GFRA2: variants seen among roughly 807,000 people sequenced by gnomAD.
The protein encoded by GFRA2 is GDNF family receptor alpha-2.
Under a neutral mutation model 48.3 loss-of-function variants are expected in GFRA2, and 17 were observed. The observed-to-expected ratio is 0.35, with a 90% CI of 0.24 to 0.53. The LOEUF (loss-of-function observed/expected upper bound fraction) is 0.53, where lower values mean the gene tolerates loss of function less well. Ranked by LOEUF, GFRA2 falls within the 20% of genes least tolerant of loss-of-function variation. The pLI, the probability that GFRA2 is intolerant of heterozygous loss-of-function variation, is 0.93. For missense variants in GFRA2, 660 were observed against 637.3 expected (o/e 1.04, Z -0.38); for synonymous variants, 305 against 257.2 (o/e 1.19, Z -1.78).
chr8:21,745,979 G>A (rs1804984286), intron 4 of GFRA2, among the ~76,000 whole-genome samples: 1 of 152,226 alleles, frequency 6.6e-6, no homozygotes, highest in Non-Finnish European at 1.5e-5. Flanking sequence ...AGCAGAGGGA[G>A]AAAGCAGACA....
chr8:21,792,959 C>T (rs1333946596), upstream of GFRA2, among the ~76,000 whole-genome samples: 12 of 152,104 alleles, frequency 7.9e-5, no homozygotes, highest in Admixed American at 1.3e-4. Context: ...CCCAGCTACT[C>T]GAGTGCCTGA....
chr8:21,794,544 C>T (rs1807635271), intron 2 of GFRA2, among the ~76,000 whole-genome samples: 1 of 152,232 alleles, frequency 6.6e-6, no homozygotes, highest in East Asian at 1.9e-4. Flanking sequence ...AGCCACCACA[C>T]CCAGCTGACC....
chr8:21,764,718 A>G (rs1013862279), intron 3 of GFRA2, among the ~76,000 whole-genome samples: 33 of 152,156 alleles, frequency 2.2e-4, no homozygotes, highest in African/African-American at 8.0e-4. Flanking sequence ...TCCTGCTTAC[A>G]TCCTTCAATT....
intron 4 of GFRA2, among the ~76,000 whole-genome samples, chr8:21,712,028 A>C (rs1052196470): frequency 1.6e-4 from 25 of 152,284 alleles, no homozygotes; most frequent in Admixed American, 6.5e-5. Flanking sequence ...GATCCCAAGG[A>C]AGAAGAATTT....
intron 4 of GFRA2, among the ~76,000 whole-genome samples, chr8:21,723,511 A>G (rs928128282): frequency 4.6e-5 from 7 of 152,214 alleles, no homozygotes; most frequent in African/African-American, 1.7e-4. Context: ...AGCTTTACAA[A>G]AAATAAAAGA....
chr8:21,690,628 T>C lies in GFRA2; in HGVS notation c.*2650A>G, dbSNP rs940000527. The C allele has an allele frequency of 1.3e-5, 2 of 152,206 alleles. No individual in the cohort carries two copies. Among genetic ancestry groups the C allele is most frequent in the African/African-American group, 4.8e-5 (2 of 41,448 alleles). 9.4% of individuals were successfully genotyped at this position (152,206 alleles called of 1,614,324 possible). ...GGGAAATTTTCTCTCCCCCATGATG[T>C]AGCCTAAGGGCTTACCTCCTATTAG... On this transcript the variant is annotated 3_prime_UTR_variant, in exon 9 of 9. Transcript: ENST00000524240.
At chr8:21,719,149 A>T (rs981031202) in intron 4 of GFRA2, among the ~76,000 whole-genome samples, 1 of 152,036 alleles carries the variant, frequency 6.6e-6, no homozygotes, top group Non-Finnish European at 1.5e-5. Context: ...ACCAGAAGCA[A>T]TCAATCAGAC....
chr8:21,804,886 A>C (rs1220462506), intron 2 of GFRA2: 4 of 152,220 alleles, frequency 2.6e-5, no homozygotes, highest in Non-Finnish European at 5.9e-5. Context: ...TCCATTCTGC[A>C]ACAGGACCAC....
chr8:21,726,355 T>C (rs1803869819), intron 4 of GFRA2, among the ~76,000 whole-genome samples: 1 of 152,238 alleles, frequency 6.6e-6, no homozygotes, highest in Non-Finnish European at 1.5e-5. Flanking sequence ...AGTCCTTCTC[T>C]GGCTGGTGAC....
chr8:21,705,858 G>A, intron 5 of GFRA2, 74 bp downstream of exon 5: 1 of 992,922 alleles, frequency 1.0e-6, no homozygotes. Flanking sequence ...GCCCTGAGCT[G>A]GGCTGCGGCC....
At chr8:21,776,200 C>G (rs1254314916) in intron 2 of GFRA2, among the ~76,000 whole-genome samples, 1 of 152,044 alleles carries the variant, frequency 6.6e-6, no homozygotes, top group Non-Finnish European at 1.5e-5. Context: ...GCTTTGCAAC[C>G]CCACTGCATG....
intron 2 of GFRA2, among the ~76,000 whole-genome samples, chr8:21,803,367 T>C (rs1386322876): frequency 6.6e-6 from 1 of 152,162 alleles, no homozygotes; most frequent in Non-Finnish European, 1.5e-5. Flanking sequence ...AAACATGGAA[T>C]GTCTGGTGAG....
chr8:21,699,952 A>G (rs115902303), intron 7 of GFRA2, among the ~76,000 whole-genome samples: 258 of 152,326 alleles, frequency 1.7e-3, no homozygotes, highest in African/African-American at 6.0e-3. Context: ...AGGGGAGAGG[A>G]GAACACATCA....
At chr8:21,759,353 T>C (rs1425759301) in intron 3 of GFRA2, among the ~76,000 whole-genome samples, 1 of 147,414 alleles carries the variant, frequency 6.8e-6, no homozygotes, top group Non-Finnish European at 1.5e-5. Flanking sequence ...ACCATTGCAC[T>C]CCAACCTGGG....
intron 7 of GFRA2, among the ~76,000 whole-genome samples, chr8:21,698,224 G>A (rs1022933036): frequency 6.6e-6 from 1 of 152,204 alleles, no homozygotes; most frequent in Non-Finnish European, 1.5e-5. Context: ...CATGGAGGCA[G>A]CACAGGGACT....
intron 2 of GFRA2, among the ~76,000 whole-genome samples, chr8:21,800,644 G>A (rs990852669): frequency 6.6e-6 from 1 of 152,340 alleles, no homozygotes; most frequent in African/African-American, 2.4e-5. Context: ...TCAACAGGGG[G>A]CCAGCCATGG....
chr8:21,725,021 A>G (rs1803792783), intron 4 of GFRA2, among the ~76,000 whole-genome samples: 1 of 151,952 alleles, frequency 6.6e-6, no homozygotes, highest in African/African-American at 2.4e-5. Context: ...CCTCCTACTC[A>G]CCTCACACTG....
chr8:21,746,725 T>C (rs1805023648), intron 4 of GFRA2, among the ~76,000 whole-genome samples: 1 of 151,948 alleles, frequency 6.6e-6, no homozygotes, highest in Non-Finnish European at 1.5e-5. Flanking sequence ...TTCAACGCCG[T>C]TTCTGGTTCC....
intron 3 of GFRA2, among the ~76,000 whole-genome samples, chr8:21,753,972 G>A (rs2117608878): frequency 6.6e-6 from 1 of 152,280 alleles, no homozygotes; most frequent in Admixed American, 6.5e-5. Flanking sequence ...TGGCCTGGAA[G>A]TCTCTCCCTC....
Sources: allele counts gnomAD v4.1 joint callset (sites outside exome capture counted in the v4.1 genomes callset), GRCh38; gene constraint gnomAD v4.1.1; transcripts MANE v1.5; gene names NCBI Gene and HGNC (gene_info 2026-07-23, HGNC 2026-07-21).